Variants in FRMD3 observed in about 807,000 individuals in gnomAD.
The protein encoded by FRMD3 is FERM domain containing 3, also known as FERM domain-containing protein 3.
A neutral mutation model predicts 70.2 loss-of-function variants in FRMD3; 33 were observed. The ratio of observed to expected loss-of-function variants is 0.47; its 90% CI spans 0.36 to 0.63. The LOEUF is 0.63. Ranked by LOEUF, FRMD3 falls within the 20% of genes least tolerant of loss-of-function variation. The probability of loss-of-function intolerance (pLI) is 0.00; values close to 1 mark genes in which losing one functional copy is unlikely to be tolerated. For synonymous variants in FRMD3, 279 were observed against 255.9 expected (o/e 1.09, Z -0.86); for missense variants, 632 against 711.4 (o/e 0.89, Z 1.27).
Position 83,493,749 on chromosome 9 carries a change from C to T in FRMD3, c.147+44336G>A, listed in dbSNP as rs140984124. Among the ~76,000 whole-genome samples, 1,100 of 152,284 alleles carry T rather than the reference C, an allele frequency of 7.2e-3. 20 individuals are homozygous for T. Among genetic ancestry groups the T allele is most frequent in the African/African-American group, 0.025 (1,058 of 41,562 alleles). ...CCCATAAACATCTCAAGGATCAGAT[C>T]GCATAGATCAGACTTGGGAAAGGCA... On this transcript the variant is annotated intron_variant, in intron 1 of 13. Coordinates refer to ENST00000304195, the MANE Select transcript of FRMD3 (RefSeq NM_174938.6).
downstream of FRMD3, chr9:83,243,293 C>A (rs1345394053): frequency 2.8e-6 from 4 of 1,405,422 alleles, no homozygotes; most frequent in African/African-American, 5.7e-5. Context: ...TAAGCAGCGA[C>A]CTTCAGCACA....
At chr9:83,572,560 T>C in the FRMD3 span, among the ~76,000 whole-genome samples, 70 of 152,252 alleles carry the variant, frequency 4.6e-4, no homozygotes, top group Non-Finnish European at 9.7e-4. Flanking sequence ...GGTTAAAGAA[T>C]GCAAAGAATC....
rs555956770 is a variant in FRMD3, at chr9:83,275,811, T to A, written c.1195+14792A>T. 10 of 152,292 alleles carry A rather than the reference T, an allele frequency of 6.6e-5. No homozygotes were observed. The East Asian group carries it at 1.9e-3, about 29-fold the overall frequency. The allele number at this position is 152,292 out of a possible 1,614,324, so 9.4% of individuals were successfully genotyped here. A position where few individuals can be genotyped will look rare whatever the true frequency, so the allele number is the denominator to read the frequency against. ...GTGGGAGTAACATGAAGGGAAACCTTCCATAGCTGTCCATGGATGAAACCA... is the reference window on the plus strand; with the variant it reads ...GTGGGAGTAACATGAAGGGAAACCTACCATAGCTGTCCATGGATGAAACCA... On this transcript the variant is annotated intron_variant, in intron 13 of 13. Transcript: ENST00000304195.
intron 12 of FRMD3, among the ~76,000 whole-genome samples, chr9:83,292,078 A>T (rs1273511844): frequency 1.3e-5 from 2 of 152,152 alleles, no homozygotes; most frequent in Non-Finnish European, 2.9e-5. Flanking sequence ...TGCTCCAGAG[A>T]ACTGTAGTCC....
Position 83,290,609 on chromosome 9 carries a change from C to T in FRMD3, c.1189G>A (p.Gly397Ser). ...GATGAAGAGACAGACTTACCCTCAC[C>T]CAGAGGAAGTTCTTCTTCTTGCTCG... is the stretch of plus-strand genomic sequence containing the variant. ...PSEQEEELPL[G>S]EGVPLPKEEN... Residue 397 changes from glycine (G) to serine (S), a missense_variant, in exon 13 of 14, where the codon GGT becomes AGT. Gly to Ser is a moderately conservative substitution (Grantham distance 56). Transcript: ENST00000304195. 2 of 1,614,074 alleles carry T rather than the reference C, an allele frequency of 1.2e-6. No individual in the cohort carries two copies. Among genetic ancestry groups the T allele is most frequent in the Admixed American group, 1.7e-5 (1 of 60,016 alleles).
At chr9:83,275,273 A>C (rs1053740722) in intron 13 of FRMD3, among the ~76,000 whole-genome samples, 1 of 152,182 alleles carries the variant, frequency 6.6e-6, no homozygotes, top group African/African-American at 2.4e-5. Flanking sequence ...CCTTCTCTCC[A>C]CTTCTCTGCC....
intron 6 of FRMD3, among the ~76,000 whole-genome samples, chr9:83,330,991 T>C (rs1038453128): frequency 6.6e-6 from 1 of 152,196 alleles, no homozygotes; most frequent in African/African-American, 2.4e-5. Context: ...GAACTCTCAT[T>C]CCCTGCTGGT....
chr9:83,378,881 A>C (rs540884550), intron 2 of FRMD3, among the ~76,000 whole-genome samples: 19 of 141,966 alleles, frequency 1.3e-4, no homozygotes, highest in African/African-American at 4.4e-4. Context: ...TATATATATA[A>C]ATTTTATATA....
At chr9:83,550,687 A>AGAGTGTGTGT in the FRMD3 span, among the ~76,000 whole-genome samples, 2 of 138,960 alleles carry the variant, frequency 1.4e-5, no homozygotes, top group African/African-American at 2.7e-5. Context: ...AGTCCTAGGT[A>AGAGTGTGTGT]GTGTGTGTGT....
chr9:83,521,239 C>T (rs1454778129), intron 1 of FRMD3, among the ~76,000 whole-genome samples: 3 of 152,152 alleles, frequency 2.0e-5, no homozygotes, highest in Non-Finnish European at 4.4e-5. Flanking sequence ...ACCATCCCAA[C>T]AGCACACAGA....
At chr9:83,570,949 C>G in the FRMD3 span, among the ~76,000 whole-genome samples, 1 of 152,190 alleles carries the variant, frequency 6.6e-6, no homozygotes, top group East Asian at 1.9e-4. Context: ...AAAGAAAAGT[C>G]AAAAATGACT....
chr9:83,333,751 C>T (rs548915974), intron 6 of FRMD3, among the ~76,000 whole-genome samples: 55 of 152,262 alleles, frequency 3.6e-4, no homozygotes, highest in Non-Finnish European at 6.8e-4. Flanking sequence ...TCCCTTTAAA[C>T]GCTCAACAAA....
intron 13 of FRMD3, among the ~76,000 whole-genome samples, chr9:83,256,568 C>G (rs1008841470): frequency 4.6e-5 from 7 of 151,908 alleles, no homozygotes; most frequent in African/African-American, 1.7e-4. Flanking sequence ...ATCATCAGAG[C>G]AAACAGATAA....
At chr9:83,506,719 TC>T (rs911663934) in intron 1 of FRMD3, among the ~76,000 whole-genome samples, 3 of 152,232 alleles carry the variant, frequency 2.0e-5, no homozygotes, top group African/African-American at 7.2e-5. Flanking sequence ...TAATTTTCTT[TC>T]TTCAAAAGTA....
chr9:83,460,629 G>T (rs1240088919), intron 1 of FRMD3, among the ~76,000 whole-genome samples: 1 of 147,208 alleles, frequency 6.8e-6, no homozygotes, highest in Non-Finnish European at 1.5e-5. Context: ...TTTTCATTTT[G>T]TCTCATTTTA....
At chr9:83,392,021 G>A (rs891134952) in intron 1 of FRMD3, among the ~76,000 whole-genome samples, 5 of 151,932 alleles carry the variant, frequency 3.3e-5, no homozygotes, top group African/African-American at 1.2e-4. Context: ...GGTCCAGGAG[G>A]ATTTCCACAA....
chr9:83,558,469 C>T, the FRMD3 span, among the ~76,000 whole-genome samples: 1 of 152,128 alleles, frequency 6.6e-6, no homozygotes, highest in Non-Finnish European at 1.5e-5. Flanking sequence ...AGAAAAAAAG[C>T]TTTGACTTTA....
intron 1 of FRMD3, among the ~76,000 whole-genome samples, chr9:83,471,051 A>G (rs963294579): frequency 6.6e-6 from 1 of 152,218 alleles, no homozygotes; most frequent in African/African-American, 2.4e-5. Flanking sequence ...CTCACAGCTA[A>G]CTCTGTCTCA....
At chr9:83,552,271 A>C in the FRMD3 span, among the ~76,000 whole-genome samples, 2 of 151,972 alleles carry the variant, frequency 1.3e-5, no homozygotes, top group Non-Finnish European at 2.9e-5. Context: ...TTTCCACGTA[A>C]TTGTATGGTT....
Sources: allele counts gnomAD v4.1 joint callset (sites outside exome capture counted in the v4.1 genomes callset), GRCh38; gene constraint gnomAD v4.1.1; transcripts MANE v1.5; gene names NCBI Gene and HGNC (gene_info 2026-07-23, HGNC 2026-07-21).